Variants in LIFR observed in about 807,000 individuals in gnomAD.
The protein encoded by LIFR is LIF receptor subunit alpha.
LIFR carries 84 observed loss-of-function variants against 122.2 expected under a neutral mutation model. The observed-to-expected ratio is 0.69, with a 90% CI of 0.58 to 0.82. The LOEUF (loss-of-function observed/expected upper bound fraction) is 0.82. Ranked by LOEUF, LIFR falls within the 40% of genes least tolerant of loss-of-function variation. The probability of loss-of-function intolerance (pLI) is 0.00; values close to 1 mark genes in which losing one functional copy is unlikely to be tolerated. For synonymous variants in LIFR, 422 were observed against 434.7 expected, an observed-to-expected ratio of 0.97 and a Z score of 0.36; for missense variants, 1,294 against 1,311.6, an observed-to-expected ratio of 0.99 and a Z score of 0.21.
At chr5:38,581,282 TA>T (rs536657085) in intron 1 of LIFR, among the ~76,000 whole-genome samples, 106 of 152,286 alleles carry the variant, frequency 7.0e-4, no homozygotes, top group Non-Finnish European at 7.6e-4. Flanking sequence ...ATTTAAAGAC[TA>T]AAACTCAACT....
At chr5:38,592,613 C>T (rs576896912) in intron 1 of LIFR, among the ~76,000 whole-genome samples, 33 of 146,482 alleles carry the variant, frequency 2.3e-4, no homozygotes, top group Non-Finnish European at 4.3e-4. Context: ...GCTGAGATTG[C>T]GCCACTGCGC....
intron 1 of LIFR, among the ~76,000 whole-genome samples, chr5:38,566,204 G>A (rs1424956086): frequency 1.3e-5 from 2 of 152,100 alleles, no homozygotes; most frequent in Admixed American, 1.3e-4. Context: ...CTCAATGACC[G>A]AAGGTTAATT....
chr5:38,590,974 T>C (rs1749904418), intron 1 of LIFR, among the ~76,000 whole-genome samples: 1 of 152,218 alleles, frequency 6.6e-6, no homozygotes, highest in South Asian at 2.1e-4. Context: ...TTATGGAATG[T>C]ACAGTCAGCT....
chr5:38,606,142 T>C (rs967448313), intron 2 of LIFR: 13 of 152,196 alleles, frequency 8.5e-5, no homozygotes, highest in African/African-American at 2.9e-4. Context: ...AGGCCGTTCT[T>C]GCATTGCTAT....
At chr5:38,510,396 G>T in intron 7 of LIFR, 68 bp downstream of exon 7, 2 of 1,417,874 alleles carry the variant, frequency 1.4e-6, no homozygotes, top group Non-Finnish European at 2.0e-6. Flanking sequence ...CACTCCAGAA[G>T]AATTAAGGCT....
In LIFR at chr5:38,478,052, C is replaced by A; in HGVS notation, c.*3543G>T. 1 of 209,050 alleles carries A rather than the reference C, an allele frequency of 4.8e-6. No homozygotes were observed. Among genetic ancestry groups the A allele is most frequent in the East Asian group, 7.3e-5 (1 of 13,726 alleles). 12.9% of individuals were successfully genotyped at this position (209,050 alleles called of 1,614,324 possible). A position where few individuals can be genotyped will look rare whatever the true frequency, so the allele number is the denominator to read the frequency against. ...TAAGGAGTATTTTACTTTCAAAATA[C>A]CATAAAATTGATTTTAAATTCCCTT... On this transcript the variant is annotated 3_prime_UTR_variant, in exon 20 of 20. Transcript: ENST00000453190.
chr5:38,556,759 C>G (rs965205409), upstream of LIFR: 1 of 146,734 alleles, frequency 6.8e-6, no homozygotes, highest in Non-Finnish European at 1.5e-5. Flanking sequence ...CCCGCGCGCC[C>G]CCGCCGATCC....
At chr5:38,534,441 C>T (rs1747185670) in intron 1 of LIFR, among the ~76,000 whole-genome samples, 1 of 152,086 alleles carries the variant, frequency 6.6e-6, no homozygotes, top group African/African-American at 2.4e-5. Flanking sequence ...AATAGCTTTT[C>T]AGAAAGAGGG....
chr5:38,482,623 C>CA lies in LIFR; in HGVS notation c.2635dup (p.Cys879LeufsTer2). The CA allele has an allele frequency of 6.7e-7, 1 of 1,501,696 alleles. No homozygotes were observed. Among genetic ancestry groups the CA allele is most frequent in the Non-Finnish European group, 9.1e-7 (1 of 1,104,870 alleles). The allele number at this position is 1,501,696 out of a possible 1,614,324, so 93.0% of individuals were successfully genotyped here. ...ACTCTTTTGAAACTGTAATGCTTTA[C>CA]AGTTTTCTGGATTTGGAATATCAGG... is the stretch of plus-strand genomic sequence containing the variant. On this transcript the variant is annotated frameshift_variant, in exon 19 of 20. Transcript: ENST00000453190. LOFTEE classifies it low-confidence loss of function (END_TRUNC).
intron 1 of LIFR, among the ~76,000 whole-genome samples, chr5:38,576,136 A>T (rs559232136): frequency 9.9e-5 from 15 of 152,090 alleles, no homozygotes; most frequent in African/African-American, 3.6e-4. Flanking sequence ...CTGTTTCCTC[A>T]TCTCTATGGT....
At chr5:38,604,785 A>G (rs1250655633) in intron 2 of LIFR, among the ~76,000 whole-genome samples, 2 of 152,126 alleles carry the variant, frequency 1.3e-5, no homozygotes, top group African/African-American at 4.8e-5. Flanking sequence ...TGCTGACAAC[A>G]TGTGCGTAAG....
intron 1 of LIFR, among the ~76,000 whole-genome samples, chr5:38,591,826 T>C (rs1749930797): frequency 6.6e-6 from 1 of 152,224 alleles, no homozygotes; most frequent in African/African-American, 2.4e-5. Flanking sequence ...TGTTTCAACT[T>C]TCCTAGTTAT....
At chr5:38,605,776 G>A (rs1327167582) in intron 2 of LIFR, among the ~76,000 whole-genome samples, 5 of 152,164 alleles carry the variant, frequency 3.3e-5, no homozygotes, top group African/African-American at 1.2e-4. Flanking sequence ...AGGCTAATCA[G>A]AAATTCCAAA....
At chr5:38,547,098 G>T (rs1747934365) in intron 1 of LIFR, among the ~76,000 whole-genome samples, 1 of 152,146 alleles carries the variant, frequency 6.6e-6, no homozygotes. Flanking sequence ...TTCCAGTGGG[G>T]GCAAGGGGAG....
chr5:38,499,700 C>T (rs919408979), intron 11 of LIFR, 117 bp from the exon 12 acceptor site: 23 of 754,644 alleles, frequency 3.0e-5, no homozygotes, highest in Non-Finnish European at 5.2e-5. Context: ...AGTTCAGTGG[C>T]TTCCACTTAG....
upstream of LIFR, among the ~76,000 whole-genome samples, chr5:38,597,182 C>T (rs888582640): frequency 6.6e-6 from 1 of 152,202 alleles, no homozygotes; most frequent in African/African-American, 2.4e-5. Context: ...AGGCCACAGT[C>T]CCCAGGAACA....
In LIFR at chr5:38,502,528, G is replaced by C. The variant is rs1009362478; in HGVS notation, c.1600+109C>G. 5.5e-6 allele frequency: 5 copies of C among 908,118 alleles called. No individual in the cohort carries two copies. In the African/African-American group the frequency reaches 8.2e-5, roughly 15 times the overall value. The allele number at this position is 908,118 out of a possible 1,614,324, so 56.3% of individuals were successfully genotyped here. On this transcript the variant is annotated intron_variant, in intron 11 of 19. Coordinates refer to ENST00000453190, the MANE Select transcript of LIFR (RefSeq NM_001127671.2). ...CCCACCTCGGCCTCCCAAAGTGCTG[G>C]GATTACAGGTGTGACCCACTGCACC...
At chr5:38,587,836 CT>C (rs1353469096) in intron 1 of LIFR, among the ~76,000 whole-genome samples, 4 of 152,202 alleles carry the variant, frequency 2.6e-5, no homozygotes, top group Admixed American at 6.5e-5. Context: ...GTCGGGGCAA[CT>C]TATCAAAATC....
At chr5:38,541,596 T>C (rs2112611850) in intron 1 of LIFR, among the ~76,000 whole-genome samples, 1 of 152,348 alleles carries the variant, frequency 6.6e-6, no homozygotes, top group South Asian at 2.1e-4. Flanking sequence ...CATAGGATGA[T>C]GTCAACCTGG....
Sources: gnomAD v4.1 joint callset for allele counts (sites outside exome capture counted in the v4.1 genomes callset) on GRCh38, gnomAD v4.1.1 for gene constraint, MANE v1.5 for transcripts, NCBI Gene and HGNC (gene_info 2026-07-23, HGNC 2026-07-21) for gene names.